Variants in SOX5 observed in about 807,000 individuals in gnomAD.
SOX5 encodes SRY-box transcription factor 5.
A neutral mutation model predicts 92.0 loss-of-function variants in SOX5; 9 were observed. That is an observed-to-expected ratio of 0.10 (90% CI 0.06 to 0.17). SOX5 has a LOEUF of 0.17. Among genes scored for constraint, SOX5 ranks in the 10% least tolerant of loss-of-function variants. SOX5 has a pLI of 1.00. For synonymous variants in SOX5, 344 were observed against 336.3 expected, an observed-to-expected ratio of 1.02 and a Z score of -0.25; for missense variants, 642 against 944.5, an observed-to-expected ratio of 0.68 and a Z score of 4.20.
chr12:24,105,031 T>C (rs905254786), intron 4 of SOX5, among the ~76,000 whole-genome samples: 1 of 152,218 alleles, frequency 6.6e-6, no homozygotes, highest in Non-Finnish European at 1.5e-5. Flanking sequence ...AGACACAGTA[T>C]ATCATCTACT....
intron 4 of SOX5, among the ~76,000 whole-genome samples, chr12:24,097,177 G>A (rs34161871): frequency 2.1e-3 from 315 of 152,114 alleles, no homozygotes; most frequent in South Asian, 6.0e-3. Context: ...GGCTATTTAC[G>A]TATTTGGAGA....
In SOX5 at chr12:23,598,387, C is replaced by CTTTT. The variant is rs201719026; in HGVS notation, c.1164+5996_1164+5999dup. 5.8e-4 allele frequency among the ~76,000 whole-genome samples: 55 copies of CTTTT among 95,162 alleles called. 2 individuals carry two copies. Among genetic ancestry groups the CTTTT allele is most frequent in the Non-Finnish European group, 9.8e-4 (49 of 49,854 alleles). 62.4% of individuals were successfully genotyped at this position (95,162 alleles called of 152,430 possible). ...GTCTCTTTGTTGTCTTGTGCTTTAT[C>CTTTT]TTTTTTTTTTTTTTTTTTTTTTTTT... On this transcript the variant is annotated intron_variant, in intron 9 of 14. Transcript: ENST00000451604.
chr12:24,029,447 T>C (rs892787922), intron 4 of SOX5, among the ~76,000 whole-genome samples: 1 of 151,810 alleles, frequency 6.6e-6, no homozygotes, highest in Admixed American at 6.6e-5. Flanking sequence ...GCTGTTTTTT[T>C]AGTTTTTTGT....
chr12:23,681,694 T>C (rs1250380603), intron 6 of SOX5, among the ~76,000 whole-genome samples: 1 of 151,808 alleles, frequency 6.6e-6, no homozygotes, highest in African/African-American at 2.4e-5. Context: ...ATTATGTCTT[T>C]CTGTTAATTC....
chr12:24,173,980 G>A (rs573006609), intron 4 of SOX5, among the ~76,000 whole-genome samples: 1 of 151,436 alleles, frequency 6.6e-6, no homozygotes, highest in Admixed American at 6.6e-5. Flanking sequence ...AGAAATCTAA[G>A]GGTGCTTTTT....
In SOX5 at chr12:24,051,776, C is replaced by A. The variant is rs567569551; in HGVS notation, c.-1-155752G>T. Among the ~76,000 whole-genome samples the A allele has an allele frequency of 3.3e-5, 5 of 152,240 alleles. No homozygotes were observed. In the Middle Eastern group the frequency reaches 0.01, roughly 313 times the overall value. ...ATTCTCTTTTGTTAATCCAACTTCC[C>A]GTATTTCTAGCTTCATTCTCCCTTT... On this transcript the variant is annotated intron_variant, in intron 4 of 4. Coordinates refer to the SOX5 transcript ENST00000446891.
chr12:24,433,739 G>A (rs1938839122), intron 1 of SOX5, among the ~76,000 whole-genome samples: 1 of 152,138 alleles, frequency 6.6e-6, no homozygotes, highest in Admixed American at 6.5e-5. Flanking sequence ...GAAGAAAATG[G>A]ATAGAGAAAG....
At chr12:24,347,208 T>C (rs188066921) in intron 2 of SOX5, among the ~76,000 whole-genome samples, 1 of 152,290 alleles carries the variant, frequency 6.6e-6, no homozygotes, top group Non-Finnish European at 1.5e-5. Context: ...TGAATCCATG[T>C]GAATGAAGTG....
chr12:24,444,304 G>A (rs1357885757), intron 1 of SOX5, among the ~76,000 whole-genome samples: 1 of 149,358 alleles, frequency 6.7e-6, no homozygotes, highest in Admixed American at 6.7e-5. Context: ...GTGTGTGTGT[G>A]CACCCATGCA....
intron 4 of SOX5, among the ~76,000 whole-genome samples, chr12:24,137,558 G>A (rs1404742803): frequency 6.6e-6 from 1 of 152,142 alleles, no homozygotes; most frequent in Non-Finnish European, 1.5e-5. Context: ...CTTGAACCCT[G>A]GAGATGGAGG....
At chr12:23,908,808 A>C (rs980579462) in intron 1 of SOX5, among the ~76,000 whole-genome samples, 6 of 152,114 alleles carry the variant, frequency 3.9e-5, no homozygotes, top group Non-Finnish European at 8.8e-5. Context: ...GAGCCTCTTC[A>C]TTGGCTCCTT....
At chr12:23,938,634 T>A (rs1298732952) in intron 1 of SOX5, among the ~76,000 whole-genome samples, 1 of 150,970 alleles carries the variant, frequency 6.6e-6, no homozygotes, top group African/African-American at 2.4e-5. Context: ...GCAAATTCAT[T>A]ACTCAAATAC....
At chr12:24,131,894 T>C (rs996608433) in intron 4 of SOX5, among the ~76,000 whole-genome samples, 13 of 152,168 alleles carry the variant, frequency 8.5e-5, no homozygotes, top group African/African-American at 3.1e-4. Flanking sequence ...ATACATTTTG[T>C]CTACACGGAC....
chr12:24,121,962 C>A (rs1948678153), intron 4 of SOX5, among the ~76,000 whole-genome samples: 1 of 146,008 alleles, frequency 6.8e-6, no homozygotes, highest in African/African-American at 2.5e-5. Context: ...CAGACCATTA[C>A]ACATCAATGC....
intron 9 of SOX5, among the ~76,000 whole-genome samples, chr12:23,601,765 T>C (rs1214469151): frequency 1.3e-5 from 2 of 152,166 alleles, no homozygotes; most frequent in Admixed American, 6.5e-5. Context: ...TTGTATTTTT[T>C]TGGCCATGTT....
rs71063308 is a variant in SOX5 at position 24,320,864 on chromosome 12, C to CAAAA, written c.-173-43556_-173-43553dup. Among the ~76,000 whole-genome samples, 53 of 135,688 alleles carry CAAAA rather than the reference C, an allele frequency of 3.9e-4. 2 individuals carry two copies. The highest frequency in any genetic ancestry group is 1.0e-3 in the East Asian group (5 of 4,822). The allele number at this position is 135,688 out of a possible 152,430, so 89.0% of individuals were successfully genotyped here. ...TGGGCGACAGAGCAAGACTCTGTCT[C>CAAAA]AAAAAAAAATAATAATAATAATAAT... On this transcript the variant is annotated intron_variant, in intron 2 of 4. Coordinates refer to the SOX5 transcript ENST00000446891.
At chr12:24,128,752 T>C (rs184678253) in intron 4 of SOX5, among the ~76,000 whole-genome samples, 40 of 152,270 alleles carry the variant, frequency 2.6e-4, no homozygotes, top group African/African-American at 9.6e-4. Context: ...TGAGCTGCTA[T>C]TGGAGGGCTT....
chr12:24,544,708 A>G (rs12300934), intron 1 of SOX5, among the ~76,000 whole-genome samples: 37,278 of 152,156 alleles, frequency 0.24, 5,263 homozygotes, highest in African/African-American at 0.38. Context: ...ATTTTTCTTC[A>G]GTTCACTTTT....
intron 1 of SOX5, among the ~76,000 whole-genome samples, chr12:24,473,257 G>GA (rs573421561): frequency 7.8e-4 from 115 of 148,248 alleles, no homozygotes; most frequent in African/African-American, 2.3e-3. Flanking sequence ...TCTCCAAGAG[G>GA]AAAAAAAAAA....
Sources: allele counts gnomAD v4.1 joint callset (sites outside exome capture counted in the v4.1 genomes callset), GRCh38; gene constraint gnomAD v4.1.1; transcripts MANE v1.5; gene names NCBI Gene and HGNC (gene_info 2026-07-23, HGNC 2026-07-21).